The following LCP1 variants were observed in gnomAD, a reference collection of about 807,000 sequenced individuals.
LCP1 encodes the protein plastin-2.
In LCP1, 23 loss-of-function variants were observed where a neutral mutation model predicts 72.0. The ratio of observed to expected loss-of-function variants is 0.32; its 90% CI spans 0.23 to 0.45. The LOEUF is 0.45. Among genes scored for constraint, LCP1 ranks in the 20% least tolerant of loss-of-function variants. LCP1 has a pLI of 1.00. For synonymous variants in LCP1, 245 were observed against 275.4 expected (o/e 0.89, Z 1.09); for missense variants, 571 against 748.3 (o/e 0.76, Z 2.76).
chr13:46,168,823 G>A (rs1241428237), intron 1 of LCP1, among the ~76,000 whole-genome samples: 2 of 152,198 alleles, frequency 1.3e-5, no homozygotes, highest in Non-Finnish European at 2.9e-5. Flanking sequence ...TATTCTCAGA[G>A]GAAATAACAG....
At chr13:46,155,927 G>A (rs979190602) in intron 5 of LCP1, among the ~76,000 whole-genome samples, 4 of 152,154 alleles carry the variant, frequency 2.6e-5, no homozygotes, top group African/African-American at 9.7e-5. Context: ...CTCAGATGAA[G>A]CCAAGCAGCA....
In LCP1 at chr13:46,135,108, C is replaced by CAAA. The variant is rs11438431; in HGVS notation, c.1503-861_1503-859dup. On this transcript the variant is annotated intron_variant, in intron 13 of 15. Coordinates refer to ENST00000323076, the MANE Select transcript of LCP1 (RefSeq NM_002298.5). ...TGGGCAACAGAGTGAGACTCTGTCT[C>CAAA]AAAAAAAAAAAAAAAGAAAAAAAAA... Among the ~76,000 whole-genome samples, 30 of 96,940 alleles carry CAAA rather than the reference C, an allele frequency of 3.1e-4. 1 individual carries two copies. The highest frequency in any genetic ancestry group is 4.0e-4 in the South Asian group (1 of 2,500). The allele number at this position is 96,940 out of a possible 152,430, so 63.6% of individuals were successfully genotyped here. A position where few individuals can be genotyped will look rare whatever the true frequency, so the allele number is the denominator to read the frequency against.
chr13:46,160,425 G>T (rs1486689482), intron 1 of LCP1, among the ~76,000 whole-genome samples: 1 of 152,130 alleles, frequency 6.6e-6, no homozygotes, highest in Non-Finnish European at 1.5e-5. Context: ...TTTTTAAGAG[G>T]TATCTTCGTG....
intron 14 of LCP1, among the ~76,000 whole-genome samples, chr13:46,131,616 A>C (rs544260174): frequency 6.6e-5 from 10 of 152,312 alleles, no homozygotes; most frequent in Non-Finnish European, 1.2e-4. Context: ...GGTGCCCATC[A>C]ACAATGAACT....
chr13:46,151,775 G>A (rs2045765666), intron 7 of LCP1, among the ~76,000 whole-genome samples: 1 of 152,168 alleles, frequency 6.6e-6, no homozygotes, highest in African/African-American at 2.4e-5. Flanking sequence ...AAATAAAAAA[G>A]TATGTATAAC....
chr13:46,161,521 C>T (rs555016014), intron 1 of LCP1, among the ~76,000 whole-genome samples: 1 of 152,272 alleles, frequency 6.6e-6, no homozygotes, highest in South Asian at 2.1e-4. Flanking sequence ...CACTGGCTAT[C>T]TGGCTTTCTT....
intron 13 of LCP1, among the ~76,000 whole-genome samples, chr13:46,139,866 A>G (rs2045686917): frequency 6.6e-6 from 1 of 152,182 alleles, no homozygotes; most frequent in African/African-American, 2.4e-5. Context: ...TTTTGTATGA[A>G]AGGAACTTCT....
intron 8 of LCP1, chr13:46,148,678 C>A: frequency 2.0e-6 from 1 of 495,946 alleles, no homozygotes; most frequent in Non-Finnish European, 3.2e-6. Flanking sequence ...ACAAGATATA[C>A]ACAAAAGGCA....
chr13:46,165,205 C>T (rs550568520), intron 1 of LCP1, among the ~76,000 whole-genome samples: 1 of 152,060 alleles, frequency 6.6e-6, no homozygotes, highest in South Asian at 2.1e-4. Flanking sequence ...GAAACCCCAT[C>T]TCTACCAAAA....
At position 46,172,963 on chromosome 13, in the gene LCP1, C is replaced by T. The variant is rs34004196; in HGVS notation, c.-25+9148G>A. Among the ~76,000 whole-genome samples, 976 of 152,092 alleles carry T rather than the reference C, an allele frequency of 6.4e-3. 6 individuals are homozygous for T. The highest frequency in any genetic ancestry group is 8.7e-3 in the Non-Finnish European group (590 of 68,010). ...GGAACCTCTGGAGTCTTAGTTTGGT[C>T]GAAGCAATGCGTGGGAAAAACACAA... On this transcript the variant is annotated intron_variant, in intron 1 of 15. Transcript: ENST00000323076.
At chr13:46,135,203 T>G (rs1196292372) in intron 13 of LCP1, among the ~76,000 whole-genome samples, 6 of 150,862 alleles carry the variant, frequency 4.0e-5, no homozygotes, top group Non-Finnish European at 8.8e-5. Context: ...GAAAGGGAAA[T>G]GCATGGGAGA....
chr13:46,158,830 A>G lies in LCP1; in HGVS notation c.224T>C (p.Ile75Thr), dbSNP rs2045819964. The change falls in exon 3 of 16, where the codon ATC (isoleucine) becomes ACC (threonine). Residue 75 changes from isoleucine to threonine, a missense_variant. By Grantham distance (89) the Ile-to-Thr change is moderately conservative. Coordinates refer to ENST00000323076, the MANE Select transcript of LCP1 (RefSeq NM_002298.5). The stretch of plus-strand genomic sequence containing the variant: ...TGTATTCTGCATGGTACTCACCTTG[A>G]TAAACTCATCAAAGCTGATCCTTCC... ...QDGRISFDEF[I>T]KIFHGLKSTD... 1 of 1,614,164 alleles carries G rather than the reference A, an allele frequency of 6.2e-7. No homozygotes were observed. Among genetic ancestry groups the G allele is most frequent in the Non-Finnish European group, 8.5e-7 (1 of 1,180,022 alleles).
Position 46,147,256 on chromosome 13 carries a change from C to G in LCP1, c.979-153G>C, listed in dbSNP as rs57326335. On this transcript the variant is annotated intron_variant, in intron 9 of 15. Transcript: ENST00000323076. Reference sequence around the variant, plus strand: ...ACAGCACATTATTGCCTATATGCACCTGCACCAAAATCAGAAAGTCACAAG... The same window carrying G: ...ACAGCACATTATTGCCTATATGCACGTGCACCAAAATCAGAAAGTCACAAG... Among the ~76,000 whole-genome samples the G allele has an allele frequency of 4.0e-3, 610 of 152,310 alleles. 4 individuals are homozygous for G. The highest frequency in any genetic ancestry group is 0.014 in the African/African-American group (574 of 41,582).
rs192710990 is a variant in LCP1 at position 46,128,722 on chromosome 13, T to A, written c.1752-999A>T. ...ATATAGAGTAGCCAGAGATTTATAT[T>A]CCATATTTTCACATAGAATGATAAT... is the stretch of plus-strand genomic sequence containing the variant. On this transcript the variant is annotated intron_variant, in intron 15 of 15. Coordinates refer to ENST00000323076, the MANE Select transcript of LCP1 (RefSeq NM_002298.5). Among the ~76,000 whole-genome samples, 511 of 152,384 alleles carry A rather than the reference T, an allele frequency of 3.4e-3. 1 individual carries two copies. Among genetic ancestry groups the A allele is most frequent in the African/African-American group, 0.012 (495 of 41,584 alleles).
At chr13:46,170,056 C>T (rs1477934636) in intron 1 of LCP1, among the ~76,000 whole-genome samples, 1 of 152,126 alleles carries the variant, frequency 6.6e-6, no homozygotes, top group Non-Finnish European at 1.5e-5. Context: ...ATGTGAGGTA[C>T]TCAGTAAATG....
intron 12 of LCP1, 26 bp from the exon 13 acceptor site, chr13:46,142,451 T>C (rs2045704488): frequency 1.2e-6 from 2 of 1,608,592 alleles, no homozygotes; most frequent in East Asian, 4.5e-5. Context: ...GGAAAACGAT[T>C]TAACGTCATC....
At chr13:46,132,339 A>G (rs2045639166) in intron 14 of LCP1, among the ~76,000 whole-genome samples, 1 of 152,136 alleles carries the variant, frequency 6.6e-6, no homozygotes, top group Non-Finnish European at 1.5e-5. Flanking sequence ...TGGCCACTTC[A>G]TATTAACAGC....
chr13:46,153,186 G>T, intron 6 of LCP1: 1 of 344,894 alleles, frequency 2.9e-6, no homozygotes, highest in South Asian at 4.7e-5. Context: ...TAAGTTGAAG[G>T]CCCATTCTGG....
At chr13:46,139,403 T>C (rs143574896) in intron 13 of LCP1, among the ~76,000 whole-genome samples, 1 of 152,364 alleles carries the variant, frequency 6.6e-6, no homozygotes, top group East Asian at 1.9e-4. Context: ...ACTGACACGA[T>C]TACATCCAGA....
Sources: allele counts gnomAD v4.1 joint callset (sites outside exome capture counted in the v4.1 genomes callset), GRCh38; gene constraint gnomAD v4.1.1; transcripts MANE v1.5; gene names NCBI Gene and HGNC (gene_info 2026-07-23, HGNC 2026-07-21).